The following BCAM variants were observed in gnomAD, a reference collection of about 807,000 sequenced individuals.
BCAM encodes basal cell adhesion molecule.
In BCAM, 61 loss-of-function variants were observed where a neutral mutation model predicts 72.4. That is an observed-to-expected ratio of 0.84 (90% CI 0.69 to 1.04). BCAM has a LOEUF of 1.04. BCAM is among the 50% of genes least tolerant of loss of function. The pLI, the probability that BCAM is intolerant of heterozygous loss-of-function variation, is 0.00. For missense variants in BCAM, 909 were observed against 895.0 expected (o/e 1.02, Z -0.20); for synonymous variants, 408 against 384.2 (o/e 1.06, Z -0.73).
chr19:44,813,364 G>C lies in BCAM; in HGVS notation c.601+18G>C. ...GAACCCAGGTGAGCAGCGCAGGAGC[G>C]CGGCGGGACGTGGGCTGGGGTGGGT... On this transcript the variant is annotated intron_variant, in intron 5 of 14. Transcript: ENST00000270233. This position sits in a 1 kb window ranked among gnomAD's most constrained non-coding sequence, Gnocchi z 4.2. 1 of 1,611,788 alleles carries C rather than the reference G, an allele frequency of 6.2e-7. No individual in the cohort carries two copies. Among genetic ancestry groups the C allele is most frequent in the Non-Finnish European group, 8.5e-7 (1 of 1,178,710 alleles).
In BCAM at chr19:44,819,706, G is replaced by A. The variant is rs1135065; in HGVS notation, c.1743G>A (p.Gln581=). The change falls in exon 13 of 15, where the codon CAG becomes CAA. Residue 581 remains glutamine, a synonymous_variant. Coordinates refer to ENST00000270233, the MANE Select transcript of BCAM (RefSeq NM_005581.5). ...GCAAAGGGGGCCCCTGCTGCCGCCA[G>A]CGGCGGGAGAAGGGGGCTCCGTGAG... ...VRRKGGPCCR[Q]RREKGAPPPG... The A allele has an allele frequency of 6.2e-7, 1 of 1,608,270 alleles. No homozygotes were observed. The highest frequency in any genetic ancestry group is 8.5e-7 in the Non-Finnish European group (1 of 1,177,404).
At chr19:44,820,469 A>G in intron 13 of BCAM, 1 of 1,245,398 alleles carries the variant, frequency 8.0e-7, no homozygotes, top group South Asian at 3.5e-5. Flanking sequence ...CCCAAAGCCA[A>G]CTCCAGCTAC....
Position 44,813,670 on chromosome 19 carries a change from G to A in BCAM, c.784+50G>A. ...TCTGACCTCAGGCTCCACACCTCATGAGGCCTGACCCTCCACCCGGGGGCT... is the reference window on the plus strand; with the variant it reads ...TCTGACCTCAGGCTCCACACCTCATAAGGCCTGACCCTCCACCCGGGGGCT... On this transcript the variant is annotated intron_variant, in intron 6 of 14. Transcript: ENST00000270233. This position sits in a 1 kb window ranked among gnomAD's most constrained non-coding sequence, Gnocchi z 4.2. 1 of 1,585,490 alleles carries A rather than the reference G, an allele frequency of 6.3e-7. No homozygotes were observed. The highest frequency in any genetic ancestry group is 8.6e-7 in the Non-Finnish European group (1 of 1,165,262).
chr19:44,815,570 C>T (rs1968494218), intron 8 of BCAM, among the ~76,000 whole-genome samples: 1 of 152,176 alleles, frequency 6.6e-6, no homozygotes. Context: ...GTGTTGCAGT[C>T]TGCTTTCCTG....
chr19:44,820,533 C>T (rs1968570405), intron 13 of BCAM, 172 bp from the exon 14 acceptor site: 4 of 1,288,888 alleles, frequency 3.1e-6, no homozygotes, highest in African/African-American at 1.5e-5. Context: ...ACCCTAACCC[C>T]AGTGCCATTA....
At chr19:44,811,467 G>A in intron 2 of BCAM, 121 bp downstream of exon 2, 2 of 1,514,264 alleles carry the variant, frequency 1.3e-6, no homozygotes, top group South Asian at 2.4e-5. Flanking sequence ...TTACAGATGG[G>A]GTCACTGAGT....
chr19:44,810,709 G>A (rs912274029), intron 1 of BCAM, among the ~76,000 whole-genome samples: 1 of 152,230 alleles, frequency 6.6e-6, no homozygotes, highest in East Asian at 1.9e-4. Context: ...GCCTGGCCCT[G>A]CCCTGGGGGG....
At position 44,820,990 on chromosome 19, in the gene BCAM, G is replaced by T. The variant is rs534372821; in HGVS notation, c.*69G>T. The T allele has an allele frequency of 4.1e-6, 6 of 1,465,908 alleles. No individual in the cohort carries two copies. Among genetic ancestry groups the T allele is most frequent in the Admixed American group, 5.1e-5 (2 of 39,368 alleles). The allele number at this position is 1,465,908 out of a possible 1,614,324, so 90.8% of individuals were successfully genotyped here. On this transcript the variant is annotated 3_prime_UTR_variant, in exon 15 of 15. Transcript: ENST00000270233. Reference sequence around the variant, plus strand: ...GCATCAGAGAACCAGCCCTGCTCACGCCATGCCCGCCCCCGCCTTCCCTCT... The same window carrying T: ...GCATCAGAGAACCAGCCCTGCTCACTCCATGCCCGCCCCCGCCTTCCCTCT...
chr19:44,820,472 C>T, intron 13 of BCAM: 1 of 1,250,324 alleles, frequency 8.0e-7, no homozygotes, highest in South Asian at 3.5e-5. Flanking sequence ...AAAGCCAACT[C>T]CAGCTACATT....
chr19:44,811,334 G>A lies in BCAM; in HGVS notation c.192G>A (p.Leu64=). ...TPTGTHDHYM[L]EWFLTDRSGA... ...CGGGAACCCACGACCATTATATGCT[G>A]GAATGGTTCCTTGTGAGTGCTTGGG... The change falls in exon 2 of 15, where the codon CTG becomes CTA. Residue 64 remains leucine, a synonymous_variant. Coordinates refer to ENST00000270233, the MANE Select transcript of BCAM (RefSeq NM_005581.5). 6.2e-7 allele frequency: 1 copy of A among 1,613,352 alleles called. No individual in the cohort carries two copies. The highest frequency in any genetic ancestry group is 1.1e-5 in the South Asian group (1 of 91,068).
chr19:44,819,424 G>C lies in BCAM; in HGVS notation c.1552G>C (p.Asp518His), dbSNP rs143379896. The C allele has an allele frequency of 4.3e-6, 7 of 1,613,946 alleles. No individual in the cohort carries two copies. In the African/African-American group the frequency reaches 9.3e-5, roughly 22 times the overall value. ...TLKVTSALSR[D>H]GISCEASNPH... Reference sequence around the variant, plus strand: ...GAAAGTGACCAGCGCCCTGAGCCGCGATGGCATCTCCTGTGAAGCCTCCAA... The same window carrying C: ...GAAAGTGACCAGCGCCCTGAGCCGCCATGGCATCTCCTGTGAAGCCTCCAA... Residue 518 changes from aspartate (D) to histidine (H), a missense_variant, in exon 12 of 15, where the codon GAT (aspartate) becomes CAT (histidine). Transcript: ENST00000270233.
rs1329170536 is a variant in BCAM, at chr19:44,821,026, C to A, written c.*105C>A. The A allele has an allele frequency of 1.8e-5, 24 of 1,362,466 alleles. No individual in the cohort carries two copies. Among genetic ancestry groups the A allele is most frequent in the Non-Finnish European group, 2.2e-5 (23 of 1,039,120 alleles). 84.4% of individuals were successfully genotyped at this position (1,362,466 alleles called of 1,614,324 possible). On this transcript the variant is annotated 3_prime_UTR_variant, in exon 15 of 15. Transcript: ENST00000270233. ...CCCCGCCTTCCCTCTTCCCTCTTCC[C>A]TCTCCCTGCCCAGCCCTCCCTTCCT...
At chr19:44,810,199 A>C (rs1437835843) in intron 1 of BCAM, among the ~76,000 whole-genome samples, 1 of 151,950 alleles carries the variant, frequency 6.6e-6, no homozygotes, top group Non-Finnish European at 1.5e-5. Flanking sequence ...GTTTTTCTAC[A>C]ATAACTACTC....
In BCAM at chr19:44,813,056, TC is replaced by T; in HGVS notation, c.505-191del. The T allele has an allele frequency of 1.6e-6, 1 of 609,584 alleles. No homozygotes were observed. Among genetic ancestry groups the T allele is most frequent in the Admixed American group, 3.1e-5 (1 of 31,992 alleles). 37.8% of individuals were successfully genotyped at this position (609,584 alleles called of 1,614,324 possible). On this transcript the variant is annotated intron_variant, in intron 4 of 14. Coordinates refer to ENST00000270233, the MANE Select transcript of BCAM (RefSeq NM_005581.5). The surrounding 1 kb of genome is among the most constrained non-coding windows in gnomAD (Gnocchi z 4.2). ...GAGCTGGGGGACCCAGAATCCTTGG[TC>T]CCTGGAGGATGGTGCTGGAGGCCTG...
chr19:44,814,321 C>T lies in BCAM; in HGVS notation c.921+33C>T. The T allele has an allele frequency of 7.6e-6, 12 of 1,570,268 alleles. No homozygotes were observed. The highest frequency in any genetic ancestry group is 1.2e-5 in the South Asian group (1 of 85,690). ...ACCCAAGGGTCCCTCTGGGATCCAC[C>T]CCCCAGCCCCTGACCTCTGTGACCT... On this transcript the variant is annotated intron_variant, in intron 7 of 14. Coordinates refer to ENST00000270233, the MANE Select transcript of BCAM (RefSeq NM_005581.5). The surrounding 1 kb of genome is among the most constrained non-coding windows in gnomAD (Gnocchi z 4.6).
At position 44,813,669 on chromosome 19, in the gene BCAM, T is replaced by C. The variant is rs1162949257; in HGVS notation, c.784+49T>C. ...CTCTGACCTCAGGCTCCACACCTCA[T>C]GAGGCCTGACCCTCCACCCGGGGGC... On this transcript the variant is annotated intron_variant, in intron 6 of 14. Coordinates refer to ENST00000270233, the MANE Select transcript of BCAM (RefSeq NM_005581.5). The surrounding 1 kb of genome is among the most constrained non-coding windows in gnomAD (Gnocchi z 4.2). 1.3e-6 allele frequency: 2 copies of C among 1,586,614 alleles called. No homozygotes were observed. Among genetic ancestry groups the C allele is most frequent in the Admixed American group, 1.7e-5 (1 of 58,798 alleles).
At chr19:44,820,670 ACACGACGC>A in intron 13 of BCAM, 27 bp from the exon 14 acceptor site, 1 of 1,387,234 alleles carries the variant, frequency 7.2e-7, no homozygotes, top group African/African-American at 1.5e-5. Flanking sequence ...TGCACCTCCA[ACACGACGC>A]CTCCGCCCGC....
Position 44,814,739 on chromosome 19 carries a change from A to G in BCAM, c.1057A>G (p.Thr353Ala). 6.2e-7 allele frequency: 1 copy of G among 1,613,052 alleles called. No homozygotes were observed. The highest frequency in any genetic ancestry group is 8.5e-7 in the Non-Finnish European group (1 of 1,179,818). ...GGCAGATGACGTGCAGCTCTCCAAG[A>G]CGCTGGAGCTGCGCGTGGCCTGTGA... ...DAADDVQLSK[T>A]LELRVAYLDP... The change falls in exon 8 of 15, where the codon ACG becomes GCG. Residue 353 changes from threonine (T) to alanine (A), a missense_variant. Transcript: ENST00000270233. This position sits in a 1 kb window ranked among gnomAD's most constrained non-coding sequence, Gnocchi z 4.6.
intron 13 of BCAM, chr19:44,820,423 G>T: frequency 8.4e-7 from 1 of 1,190,438 alleles, no homozygotes; most frequent in Non-Finnish European, 1.0e-6. Context: ...CCACATGGCC[G>T]TCCTCACCTC....
Sources: gnomAD v4.1 joint callset for allele counts (sites outside exome capture counted in the v4.1 genomes callset) on GRCh38, gnomAD v4.1.1 for gene constraint, Gnocchi (gnomAD v3.1) non-coding constraint, MANE v1.5 for transcripts, NCBI Gene and HGNC (gene_info 2026-07-23, HGNC 2026-07-21) for gene names.